WDR43: variants seen among roughly 807,000 people sequenced by gnomAD.
The protein encoded by WDR43 is WD repeat-containing protein 43.
WDR43 carries 13 observed loss-of-function variants against 91.4 expected under a neutral mutation model. That is an observed-to-expected ratio of 0.14 (90% confidence interval 0.09 to 0.23). The LOEUF is 0.23. WDR43 is among the 10% of genes least tolerant of loss of function. The pLI, the probability that WDR43 is intolerant of heterozygous loss-of-function variation, is 1.00. For missense variants in WDR43, 780 were observed against 809.4 expected, an observed-to-expected ratio of 0.96 and a Z score of 0.44; for synonymous variants, 331 against 287.9, an observed-to-expected ratio of 1.15 and a Z score of -1.51.
intron 3 of WDR43, among the ~76,000 whole-genome samples, chr2:28,906,886 A>G (rs1447891626): frequency 6.6e-6 from 1 of 152,148 alleles, no homozygotes; most frequent in Admixed American, 6.5e-5. Context: ...ACCTTCTAGG[A>G]CAGGTAAGAT....
intron 2 of WDR43, among the ~76,000 whole-genome samples, 184 bp downstream of exon 2, chr2:28,902,308 T>G (rs1670592659): frequency 6.6e-6 from 1 of 152,214 alleles, no homozygotes; most frequent in African/African-American, 2.4e-5. Context: ...TTAACAGCAG[T>G]CCTTATTATG....
At chr2:28,929,255 A>G (rs541825227) in intron 10 of WDR43, among the ~76,000 whole-genome samples, 1 of 152,294 alleles carries the variant, frequency 6.6e-6, no homozygotes, top group Non-Finnish European at 1.5e-5. Flanking sequence ...ATAGGTCTTA[A>G]GTCTTGTGTT....
At chr2:28,915,659 G>C (rs1670892422) in intron 5 of WDR43, among the ~76,000 whole-genome samples, 1 of 152,292 alleles carries the variant, frequency 6.6e-6, no homozygotes, top group African/African-American at 2.4e-5. Context: ...TTTGCATGGG[G>C]ATAGGTAGAG....
At position 28,917,959 on chromosome 2, in the gene WDR43, C is replaced by T. The variant is rs372637577; in HGVS notation, c.813C>T (p.Val271=). The part of the protein sequence containing the change: ...VMSFTVTDEP[V]YIDLTLSENK... ...CATTTACAGTTACCGATGAACCTGT[C>T]TATATTGACTTAACTTTGTCAGAAA... is the stretch of plus-strand genomic sequence containing the variant. The change falls in exon 6 of 18, where the codon GTC becomes GTT. Residue 271 remains valine (V), a synonymous_variant. Transcript: ENST00000407426. 359 of 1,584,306 alleles carry T rather than the reference C, an allele frequency of 2.3e-4. No homozygotes were observed. The highest frequency in any genetic ancestry group is 8.3e-4 in the Middle Eastern group (5 of 6,026).
At chr2:28,897,770 AG>A in intron 1 of WDR43, among the ~76,000 whole-genome samples, 1 of 152,310 alleles carries the variant, frequency 6.6e-6, no homozygotes, top group South Asian at 2.1e-4. Flanking sequence ...TGTGGTTCAC[AG>A]GTGTTTAGAA....
rs1268567266 is a variant in WDR43 at position 28,937,964 on chromosome 2, G to A, written c.1590G>A (p.Val530=). 6.2e-7 allele frequency: 1 copy of A among 1,613,688 alleles called. No individual in the cohort carries two copies. The highest frequency in any genetic ancestry group is 1.3e-5 in the African/African-American group (1 of 74,886). The change falls in exon 14 of 18, where the codon GTG becomes GTA. Residue 530 remains valine (V), a synonymous_variant. Coordinates refer to ENST00000407426, the MANE Select transcript of WDR43 (RefSeq NM_015131.3). ...AVLMVQWLKC[V]LTVHASYLST... ...TAATGGTTCAGTGGCTAAAATGTGTGTTAACAGTTCATGCATCATACCTGT... is the reference window on the plus strand; with the variant it reads ...TAATGGTTCAGTGGCTAAAATGTGTATTAACAGTTCATGCATCATACCTGT...
chr2:28,919,044 G>A lies in WDR43; in HGVS notation c.849+1049G>A, dbSNP rs1044526145. On this transcript the variant is annotated intron_variant, in intron 6 of 17. Transcript: ENST00000407426. ...TGGCTGGGTGTGGTGGATAACTTGA[G>A]CCCAGGAGTTCAGGACCTGCCTGGA... Among the ~76,000 whole-genome samples, 5 of 152,136 alleles carry A rather than the reference G, an allele frequency of 3.3e-5. No individual in the cohort carries two copies. In the East Asian group the frequency reaches 5.8e-4, roughly 18 times the overall value.
In WDR43 at chr2:28,922,514, C is replaced by T. The variant is rs570019443; in HGVS notation, c.850-405C>T. On this transcript the variant is annotated intron_variant, in intron 6 of 17. Coordinates refer to ENST00000407426, the MANE Select transcript of WDR43 (RefSeq NM_015131.3). ...GGGCATCTCCAGACAGCTTAGGCCA[C>T]TTACATTGACCGGGGATGGAGGAAG... Among the ~76,000 whole-genome samples the T allele has an allele frequency of 2.0e-5, 3 of 152,292 alleles. No individual in the cohort carries two copies. In the South Asian group the frequency reaches 6.2e-4, roughly 32 times the overall value.
chr2:28,946,198 A>G (rs369374002), intron 16 of WDR43, among the ~76,000 whole-genome samples: 16 of 151,966 alleles, frequency 1.1e-4, no homozygotes, highest in African/African-American at 3.9e-4. Context: ...TGTGGCGGCT[A>G]CTCAGGAGGC....
Position 28,926,529 on chromosome 2 carries a change from C to G in WDR43, c.1148C>G (p.Pro383Arg). 1 of 1,598,328 alleles carries G rather than the reference C, an allele frequency of 6.3e-7. No individual in the cohort carries two copies. The highest frequency in any genetic ancestry group is 8.5e-7 in the Non-Finnish European group (1 of 1,171,524). The change falls in exon 9 of 18, where the codon CCC becomes CGC. Residue 383 changes from proline to arginine, a missense_variant. By Grantham distance (103) the Pro-to-Arg change is moderately radical. Coordinates refer to ENST00000407426, the MANE Select transcript of WDR43 (RefSeq NM_015131.3). ...LVRDISNCWAPKVETAITKVR... is the reference protein window; with the variant it reads ...LVRDISNCWARKVETAITKVR... ...AGAGATATTTCAAACTGCTGGGCCCCCAAAGTAGAAACAGCTATAACAAAG... is the reference window on the plus strand; with the variant it reads ...AGAGATATTTCAAACTGCTGGGCCCGCAAAGTAGAAACAGCTATAACAAAG...
rs189352803 is a variant in WDR43, at chr2:28,942,656, C to G, written c.1804+275C>G. On this transcript the variant is annotated intron_variant, in intron 16 of 17. Transcript: ENST00000407426. ...TTTTAAGACAGTCTCAGTCTGTTGC[C>G]TAGGTTGTAGTGCAGTGCTGTGATC... Among the ~76,000 whole-genome samples the G allele has an allele frequency of 6.0e-3, 893 of 148,672 alleles. 9 individuals are homozygous for G. The highest frequency in any genetic ancestry group is 0.021 in the African/African-American group (831 of 40,066).
At chr2:28,931,213 C>T (rs2148194486) in intron 11 of WDR43, among the ~76,000 whole-genome samples, 1 of 152,070 alleles carries the variant, frequency 6.6e-6, no homozygotes, top group African/African-American at 2.4e-5. Context: ...TCCCGAATTG[C>T]TGGGGTTACA....
Position 28,909,411 on chromosome 2 carries a change from G to A in WDR43, c.485+2830G>A, listed in dbSNP as rs146079331. On this transcript the variant is annotated intron_variant, in intron 3 of 17. Coordinates refer to ENST00000407426, the MANE Select transcript of WDR43 (RefSeq NM_015131.3). ...GCCTCCCAAAGTGCTGGGATTACAGGTGTGAGCTACCATGCCTAGCCATGA... is the reference window on the plus strand; with the variant it reads ...GCCTCCCAAAGTGCTGGGATTACAGATGTGAGCTACCATGCCTAGCCATGA... Among the ~76,000 whole-genome samples the A allele has an allele frequency of 3.9e-3, 600 of 152,248 alleles. 6 individuals are homozygous for A. The highest frequency in any genetic ancestry group is 0.014 in the African/African-American group (566 of 41,542).
chr2:28,946,872 T>C lies in WDR43; in HGVS notation c.*93T>C. The C allele has an allele frequency of 7.1e-7, 1 of 1,400,050 alleles. No homozygotes were observed. Among genetic ancestry groups the C allele is most frequent in the South Asian group, 1.5e-5 (1 of 65,774 alleles). 86.7% of individuals were successfully genotyped at this position (1,400,050 alleles called of 1,614,324 possible). On this transcript the variant is annotated 3_prime_UTR_variant, in exon 18 of 18. Coordinates refer to ENST00000407426, the MANE Select transcript of WDR43 (RefSeq NM_015131.3). ...TCTGTGCCAGGATGCCAAGGACCGC[T>C]GCACATTTCCAAATTCACAGCAGTG...
intron 1 of WDR43, among the ~76,000 whole-genome samples, chr2:28,897,986 C>T (rs140797414): frequency 6.6e-6 from 1 of 152,288 alleles, no homozygotes; most frequent in African/African-American, 2.4e-5. Flanking sequence ...TAGATGGATG[C>T]TGTTTTTAAG....
At chr2:28,923,536 A>C (rs564016311) in intron 7 of WDR43, among the ~76,000 whole-genome samples, 2 of 152,272 alleles carry the variant, frequency 1.3e-5, no homozygotes, top group South Asian at 4.1e-4. Flanking sequence ...TTTGCGCACA[A>C]ATTTTGTTAA....
intron 3 of WDR43, among the ~76,000 whole-genome samples, chr2:28,909,614 T>C (rs1022606090): frequency 6.6e-6 from 1 of 152,128 alleles, no homozygotes; most frequent in African/African-American, 2.4e-5. Flanking sequence ...GGCTTATGCC[T>C]AAAATCTCAG....
intron 1 of WDR43, among the ~76,000 whole-genome samples, chr2:28,900,165 G>A (rs1385858794): frequency 6.6e-6 from 1 of 152,088 alleles, no homozygotes; most frequent in Non-Finnish European, 1.5e-5. Flanking sequence ...AAAACCAAGA[G>A]TAGAAGAAAG....
At chr2:28,916,600 C>T (rs186768256) in intron 5 of WDR43, among the ~76,000 whole-genome samples, 41 of 152,080 alleles carry the variant, frequency 2.7e-4, no homozygotes, top group African/African-American at 9.4e-4. Context: ...TATACCTCTC[C>T]CCCTATAACC....
Sources: gnomAD v4.1 joint callset for allele counts (sites outside exome capture counted in the v4.1 genomes callset) on GRCh38, gnomAD v4.1.1 for gene constraint, MANE v1.5 for transcripts, NCBI Gene and HGNC (gene_info 2026-07-23, HGNC 2026-07-21) for gene names.